The following MXRA7 variants were observed in gnomAD, a reference collection of about 807,000 sequenced individuals.
The protein encoded by MXRA7 is matrix remodeling associated 7.
A neutral mutation model predicts 17.4 loss-of-function variants in MXRA7; 18 were observed. The ratio of observed to expected loss-of-function variants is 1.03; its 90% CI spans 0.71 to 1.53. The LOEUF (loss-of-function observed/expected upper bound fraction) is 1.53. Ranked by LOEUF, MXRA7 falls within the 40% of genes most tolerant of loss-of-function variation. The pLI is 0.00. For missense variants in MXRA7, 141 were observed against 209.3 expected, an observed-to-expected ratio of 0.67 and a Z score of 2.01; for synonymous variants, 70 against 101.7, an observed-to-expected ratio of 0.69 and a Z score of 1.87.
At chr17:76,677,645 C>T (rs769123205), downstream of MXRA7, 41 of 1,613,796 alleles carry the variant, frequency 2.5e-5, no homozygotes, top group African/African-American at 6.7e-5. Flanking sequence ...TCTCGCCAAA[C>T]GTCTCCTTGT....
downstream of MXRA7, chr17:76,675,887 G>A (rs1429528632): frequency 7.9e-6 from 1 of 127,200 alleles, no homozygotes; most frequent in African/African-American, 2.9e-5. Flanking sequence ...TGAGCATGAG[G>A]CATGGAAATG....
chr17:76,704,773 C>G (rs1211791520), intron 1 of MXRA7, among the ~76,000 whole-genome samples: 1 of 132,082 alleles, frequency 7.6e-6, no homozygotes, highest in African/African-American at 2.9e-5. Flanking sequence ...AAGAGCAAAA[C>G]TCCGTCTCAA....
chr17:76,674,350 G>A (rs907998049), exon 4 of MXRA7: 4 of 152,198 alleles, frequency 2.6e-5, no homozygotes, highest in Admixed American at 1.3e-4. Flanking sequence ...ATGAATCTCT[G>A]TGAGCTGATG....
chr17:76,690,621 G>A (rs1209238237), intron 1 of MXRA7, among the ~76,000 whole-genome samples: 3 of 151,668 alleles, frequency 2.0e-5, no homozygotes, highest in African/African-American at 7.3e-5. Context: ...GAGGCAGAAG[G>A]ATCACTTGGA....
chr17:76,697,361 C>G (rs571699862), intron 1 of MXRA7, among the ~76,000 whole-genome samples: 1 of 152,314 alleles, frequency 6.6e-6, no homozygotes, highest in African/African-American at 2.4e-5. Flanking sequence ...GTCTGCAGAA[C>G]TCTGGGAAAA....
intron 1 of MXRA7, chr17:76,709,794 A>C (rs9303003): frequency 0.83 from 126,514 of 152,510 alleles, 53,886 homozygotes; most frequent in Non-Finnish European, 0.93. Context: ...GATGAGGGAA[A>C]TCCGACTCCT....
rs777162059 is a variant in MXRA7, at chr17:76,688,509, C to T, written c.343-333G>A. On this transcript the variant is annotated intron_variant, in intron 1 of 3. Transcript: ENST00000449428. ...GCCCAGGACTCCCACTGCGACGCTG[C>T]GGCCAGCAGACAAAGGGTGCAAGAG... 1.5e-4 allele frequency: 194 copies of T among 1,310,630 alleles called. 1 individual carries two copies. The Admixed American group carries it at 1.9e-3, about 13-fold the overall frequency. 81.2% of individuals were successfully genotyped at this position (1,310,630 alleles called of 1,614,324 possible).
rs1567990712 is a variant in MXRA7 at position 76,706,191 on chromosome 17, A to ACAGAGGCCCACGCTGCCG, written c.342+4413_342+4414insCGGCAGCGTGGGCCTCTG. On this transcript the variant is annotated intron_variant, in intron 1 of 3. Transcript: ENST00000449428. ...TGCCGTCACAGAGGCCCACGCTGCCATCACAGAGGCCCACGCTGCCATCAC... is the reference window on the plus strand; with the variant it reads ...TGCCGTCACAGAGGCCCACGCTGCCACAGAGGCCCACGCTGCCGTCACAGAGGCCCACGCTGCCATCAC... 1.4e-3 allele frequency among the ~76,000 whole-genome samples: 127 copies of ACAGAGGCCCACGCTGCCG among 88,142 alleles called. 3 individuals are homozygous for ACAGAGGCCCACGCTGCCG. The highest frequency in any genetic ancestry group is 4.8e-3 in the Middle Eastern group (1 of 210). 57.8% of individuals were successfully genotyped at this position (88,142 alleles called of 152,430 possible). A position where few individuals can be genotyped will look rare whatever the true frequency, so the allele number is the denominator to read the frequency against.
At chr17:76,695,851 G>A (rs1361644445) in intron 1 of MXRA7, among the ~76,000 whole-genome samples, 1 of 152,170 alleles carries the variant, frequency 6.6e-6, no homozygotes, top group Non-Finnish European at 1.5e-5. Flanking sequence ...CCAGCACTTT[G>A]GGAGGTTAAG....
In MXRA7 at chr17:76,683,755, G is replaced by A. The variant is rs575963690; in HGVS notation, c.500+1317C>T. 31 of 832,340 alleles carry A rather than the reference G, an allele frequency of 3.7e-5. No individual in the cohort carries two copies. The African/African-American group carries it at 4.8e-4, about 13-fold the overall frequency. 51.6% of individuals were successfully genotyped at this position (832,340 alleles called of 1,614,324 possible). A position where few individuals can be genotyped will look rare whatever the true frequency, so the allele number is the denominator to read the frequency against. On this transcript the variant is annotated intron_variant, in intron 3 of 3. Coordinates refer to ENST00000449428, the MANE Select transcript of MXRA7 (RefSeq NM_198530.4). ...TTAATCGGTTATGAAGGCGATGGAG[G>A]AGGGGAGGTTGAGGCCGCGTCAGTT...
rs568268381 is a variant in MXRA7 at position 76,680,524 on chromosome 17, C to A, written c.*343G>T. The A allele has an allele frequency of 9.9e-5, 104 of 1,055,030 alleles. 1 individual carries two copies. In the African/African-American group the frequency reaches 1.7e-3, roughly 17 times the overall value. 65.4% of individuals were successfully genotyped at this position (1,055,030 alleles called of 1,614,324 possible). On this transcript the variant is annotated 3_prime_UTR_variant, in exon 4 of 4. Transcript: ENST00000449428. Reference sequence around the variant, plus strand: ...AAGTGAACTCTGCTTTTAAAATGTTCTTTTTATCTAAGGTGTGCAGGGTGT... The same window carrying A: ...AAGTGAACTCTGCTTTTAAAATGTTATTTTTATCTAAGGTGTGCAGGGTGT...
chr17:76,703,976 G>A (rs2076624758), intron 1 of MXRA7, among the ~76,000 whole-genome samples: 1 of 151,054 alleles, frequency 6.6e-6, no homozygotes, highest in Non-Finnish European at 1.5e-5. Context: ...GTGGCCACCT[G>A]TAATCCCAGC....
At chr17:76,688,722 G>T in intron 1 of MXRA7, 1 of 1,214,464 alleles carries the variant, frequency 8.2e-7, no homozygotes, top group Non-Finnish European at 1.0e-6. Flanking sequence ...ATGATCAGAG[G>T]AATGGCCCGG....
At chr17:76,684,749 T>G in intron 3 of MXRA7, 1 of 376,112 alleles carries the variant, frequency 2.7e-6, no homozygotes, top group Non-Finnish European at 4.9e-6. Flanking sequence ...CCAGGCTCTT[T>G]CCTGGCATCT....
At chr17:76,683,848 A>C in intron 3 of MXRA7, 1 of 1,612,966 alleles carries the variant, frequency 6.2e-7, no homozygotes, top group South Asian at 1.1e-5. Flanking sequence ...TGTCCTTACC[A>C]AAAGGATTTG....
intron 1 of MXRA7, among the ~76,000 whole-genome samples, chr17:76,694,865 T>C (rs533498208): frequency 1.8e-4 from 27 of 152,026 alleles, no homozygotes; most frequent in Non-Finnish European, 3.8e-4. Flanking sequence ...CTGTGGTGTT[T>C]TACTTTTTTA....
chr17:76,702,872 C>CATACGTGT (rs1180666195), intron 1 of MXRA7, among the ~76,000 whole-genome samples: 1 of 147,232 alleles, frequency 6.8e-6, no homozygotes, highest in Non-Finnish European at 1.5e-5. Context: ...TATATATATA[C>CATACGTGT]GTATATATAT....
At chr17:76,688,019 C>G in intron 2 of MXRA7, 94 bp downstream of exon 2, 1 of 1,027,916 alleles carries the variant, frequency 9.7e-7, no homozygotes, top group Non-Finnish European at 1.5e-6. Context: ...TCCCTCCCCT[C>G]GGCACTCGAA....
intron 1 of MXRA7, among the ~76,000 whole-genome samples, chr17:76,698,238 C>T (rs9912009): frequency 0.4 from 60,083 of 152,080 alleles, 12,893 homozygotes; most frequent in Middle Eastern, 0.51. Flanking sequence ...CGACAAGGGG[C>T]CTGCCCAGGC....
Sources: allele counts gnomAD v4.1 joint callset (sites outside exome capture counted in the v4.1 genomes callset), GRCh38; gene constraint gnomAD v4.1.1; transcripts MANE v1.5; gene names NCBI Gene and HGNC (gene_info 2026-07-23, HGNC 2026-07-21).